OSBPL9: variants seen among roughly 807,000 people sequenced by gnomAD.
OSBPL9 encodes oxysterol-binding protein-related protein 9.
Under a neutral mutation model 106.6 loss-of-function variants are expected in OSBPL9, and 40 were observed. The ratio of observed to expected loss-of-function variants is 0.38; its 90% CI spans 0.29 to 0.49. The LOEUF is 0.49. Ranked by LOEUF, OSBPL9 falls within the 20% of genes least tolerant of loss-of-function variation. The pLI, the probability that OSBPL9 is intolerant of heterozygous loss-of-function variation, is 0.97. For missense variants in OSBPL9, 609 were observed against 887.2 expected, an observed-to-expected ratio of 0.69 and a Z score of 3.98; for synonymous variants, 269 against 295.4, an observed-to-expected ratio of 0.91 and a Z score of 0.92.
upstream of OSBPL9, among the ~76,000 whole-genome samples, chr1:51,614,859 TA>T (rs1048438207): frequency 1.3e-5 from 2 of 152,150 alleles, no homozygotes; most frequent in African/African-American, 4.8e-5. Flanking sequence ...CAAACTTGCC[TA>T]AGGCCATATA....
intron 14 of OSBPL9, among the ~76,000 whole-genome samples, chr1:51,773,055 C>T (rs1366493819): frequency 6.6e-6 from 1 of 152,098 alleles, no homozygotes; most frequent in Non-Finnish European, 1.5e-5. Context: ...CTGTTTCTTC[C>T]TCTGTGGACT....
intron 3 of OSBPL9, among the ~76,000 whole-genome samples, chr1:51,708,411 A>T (rs1235530939): frequency 6.6e-6 from 1 of 152,138 alleles, no homozygotes; most frequent in Non-Finnish European, 1.5e-5. Flanking sequence ...CTGCTTAAAA[A>T]GAATATCTGT....
the OSBPL9 span, among the ~76,000 whole-genome samples, chr1:51,543,438 C>T: frequency 5.3e-5 from 8 of 152,146 alleles, no homozygotes; most frequent in Non-Finnish European, 7.4e-5. Flanking sequence ...CTCTGGCCCC[C>T]GGACTGGAGT....
At chr1:51,754,287 G>GA (rs1225821012) in intron 8 of OSBPL9, among the ~76,000 whole-genome samples, 2 of 152,150 alleles carry the variant, frequency 1.3e-5, no homozygotes, top group Non-Finnish European at 2.9e-5. Context: ...CTGAAATTGG[G>GA]AAAAAGGCTA....
chr1:51,717,532 C>T (rs1259979495), intron 4 of OSBPL9, among the ~76,000 whole-genome samples: 3 of 152,270 alleles, frequency 2.0e-5, no homozygotes, highest in African/African-American at 4.8e-5. Flanking sequence ...TGGAGACCTT[C>T]TGGTCTGCTG....
the OSBPL9 span, among the ~76,000 whole-genome samples, chr1:51,540,382 C>A: frequency 6.6e-6 from 1 of 151,884 alleles, no homozygotes; most frequent in East Asian, 1.9e-4. Context: ...GTTAGCCGGG[C>A]GTGGTGGTTC....
At chr1:51,706,662 A>G (rs1165687316) in intron 3 of OSBPL9, among the ~76,000 whole-genome samples, 2 of 149,796 alleles carry the variant, frequency 1.3e-5, no homozygotes, top group Admixed American at 1.3e-4. Context: ...GCTTTTATAT[A>G]TATATGCATT....
intron 8 of OSBPL9, among the ~76,000 whole-genome samples, chr1:51,755,365 C>T (rs1333837108): frequency 2.0e-5 from 3 of 152,186 alleles, no homozygotes; most frequent in African/African-American, 7.2e-5. Flanking sequence ...AACCCTATAC[C>T]TATTAAGCAA....
At chr1:51,612,576 A>G (rs1358713115), upstream of OSBPL9, among the ~76,000 whole-genome samples, 4 of 152,234 alleles carry the variant, frequency 2.6e-5, no homozygotes, top group Non-Finnish European at 4.4e-5. Flanking sequence ...CACTTTGTGT[A>G]GAATGTAGAA....
chr1:51,720,240 G>GTAGATTCAAGTATTT (rs1401915909), intron 4 of OSBPL9, among the ~76,000 whole-genome samples: 3 of 152,140 alleles, frequency 2.0e-5, no homozygotes, highest in African/African-American at 7.2e-5. Context: ...GGAGATTGTT[G>GTAGATTCAAGTATTT]TAGATTCAAG....
intron 9 of OSBPL9, 76 bp downstream of exon 9, chr1:51,756,434 A>C (rs1202451995): frequency 1.4e-6 from 2 of 1,399,292 alleles, no homozygotes; most frequent in Non-Finnish European, 2.0e-6. Context: ...GAGAAGCCTG[A>C]ATTACTACTC....
chr1:51,565,726 C>T, the OSBPL9 span: 4 of 152,130 alleles, frequency 2.6e-5, no homozygotes, highest in Non-Finnish European at 5.9e-5. Context: ...TTTATGTTTC[C>T]AACTCCTAGG....
intron 1 of OSBPL9, among the ~76,000 whole-genome samples, chr1:51,628,513 G>A (rs1644907589): frequency 6.6e-6 from 1 of 151,588 alleles, no homozygotes; most frequent in Non-Finnish European, 1.5e-5. Context: ...GAACCCGGGA[G>A]GTGAAGGTTG....
chr1:51,660,752 A>G (rs1195926618), intron 2 of OSBPL9, among the ~76,000 whole-genome samples: 1 of 152,106 alleles, frequency 6.6e-6, no homozygotes, highest in African/African-American at 2.4e-5. Context: ...GCTCCCTTCT[A>G]TATTATTGAT....
At chr1:51,719,469 G>T (rs1349894028) in intron 4 of OSBPL9, among the ~76,000 whole-genome samples, 4 of 151,496 alleles carry the variant, frequency 2.6e-5, no homozygotes, top group African/African-American at 9.7e-5. Flanking sequence ...ACCCTAGTAA[G>T]CTTTAGTACA....
At chr1:51,622,071 C>A (rs1001572389) in intron 1 of OSBPL9, among the ~76,000 whole-genome samples, 33 of 151,420 alleles carry the variant, frequency 2.2e-4, no homozygotes, top group Admixed American at 5.3e-4. Flanking sequence ...CAGGAGGTTG[C>A]TTTTGATGGG....
At chr1:51,611,821 A>G (rs1055807135) in intron 2 of OSBPL9, among the ~76,000 whole-genome samples, 1 of 152,046 alleles carries the variant, frequency 6.6e-6, no homozygotes, top group Admixed American at 6.6e-5. Context: ...CTAAAAATAC[A>G]AAAATTAGCC....
chr1:51,556,988 G>A, the OSBPL9 span, among the ~76,000 whole-genome samples: 1 of 151,396 alleles, frequency 6.6e-6, no homozygotes, highest in African/African-American at 2.4e-5. Context: ...ACAAAGACAG[G>A]GTAAATGCTT....
the OSBPL9 span, among the ~76,000 whole-genome samples, chr1:51,533,499 A>AG: frequency 0.055 from 8,151 of 147,754 alleles, 295 homozygotes; most frequent in Middle Eastern, 0.086. Context: ...AAAAAAAAAA[A>AG]AAAGAAAGAA....
Sources: gnomAD v4.1 joint callset for allele counts (sites outside exome capture counted in the v4.1 genomes callset) on GRCh38, gnomAD v4.1.1 for gene constraint, MANE v1.5 for transcripts, NCBI Gene and HGNC (gene_info 2026-07-23, HGNC 2026-07-21) for gene names.